Variants in CNTN5 observed in about 807,000 individuals in gnomAD.
CNTN5 encodes the protein contactin 5.
A neutral mutation model predicts 129.1 loss-of-function variants in CNTN5; 77 were observed. That is an observed-to-expected ratio of 0.60 (90% CI 0.50 to 0.72). The LOEUF (loss-of-function observed/expected upper bound fraction) is 0.72, where lower values mean the gene tolerates loss of function less well. Ranked by LOEUF, CNTN5 falls within the 30% of genes least tolerant of loss-of-function variation. The pLI is 0.00. For missense variants in CNTN5, 1,478 were observed against 1,328.8 expected (o/e 1.11, Z -1.75); for synonymous variants, 509 against 465.6 (o/e 1.09, Z -1.20).
chr11:99,845,304 G>A (rs1188688839), intron 6 of CNTN5, 42 bp downstream of exon 6: 1 of 982,848 alleles, frequency 1.0e-6, no homozygotes. Flanking sequence ...TGTATATAGT[G>A]TGTATATACA....
At chr11:99,913,784 A>C (rs1005872626) in intron 6 of CNTN5, among the ~76,000 whole-genome samples, 2 of 152,118 alleles carry the variant, frequency 1.3e-5, no homozygotes, top group Non-Finnish European at 2.9e-5. Flanking sequence ...GTTGATTTGA[A>C]ATGTCACAAA....
At chr11:99,202,239 C>CT (rs1384887424) in intron 1 of CNTN5, among the ~76,000 whole-genome samples, 1 of 152,166 alleles carries the variant, frequency 6.6e-6, no homozygotes, top group Non-Finnish European at 1.5e-5. Context: ...TCAAGTCATT[C>CT]AATTAACAAT....
chr11:99,657,885 A>T (rs984337580), intron 3 of CNTN5, among the ~76,000 whole-genome samples: 7 of 152,180 alleles, frequency 4.6e-5, no homozygotes, highest in Non-Finnish European at 7.4e-5. Flanking sequence ...CCCATTCAGA[A>T]TTTATTATAA....
At chr11:99,415,498 T>C (rs1030425136) in intron 2 of CNTN5, among the ~76,000 whole-genome samples, 3 of 152,096 alleles carry the variant, frequency 2.0e-5, no homozygotes, top group African/African-American at 7.2e-5. Context: ...AGAAAATTTA[T>C]TTATGGCCAG....
intron 2 of CNTN5, among the ~76,000 whole-genome samples, chr11:99,413,121 T>C (rs572473800): frequency 6.6e-6 from 1 of 152,344 alleles, no homozygotes; most frequent in Non-Finnish European, 1.5e-5. Context: ...GTCTCTGCCA[T>C]ATCTTTGCAG....
chr11:100,197,505 G>T (rs1034443419), intron 15 of CNTN5, among the ~76,000 whole-genome samples: 1 of 151,924 alleles, frequency 6.6e-6, no homozygotes, highest in African/African-American at 2.4e-5. Context: ...CCAAATAAAA[G>T]CATTTACTAT....
intron 2 of CNTN5, among the ~76,000 whole-genome samples, chr11:99,473,788 T>C (rs939059063): frequency 6.6e-6 from 1 of 151,960 alleles, no homozygotes; most frequent in African/African-American, 2.4e-5. Context: ...TGCAGCAACA[T>C]TTAAAACTAT....
At chr11:99,811,477 ATAT>A (rs1286954280) in intron 3 of CNTN5, among the ~76,000 whole-genome samples, 2 of 148,122 alleles carry the variant, frequency 1.4e-5, no homozygotes, top group Non-Finnish European at 1.5e-5. Flanking sequence ...TTATATTTTA[ATAT>A]TATAACTATT....
intron 3 of CNTN5, among the ~76,000 whole-genome samples, chr11:99,749,366 G>T: frequency 6.6e-6 from 1 of 152,080 alleles, no homozygotes. Flanking sequence ...CCTTTAATAT[G>T]ATAGTACCTA....
intron 1 of CNTN5, among the ~76,000 whole-genome samples, chr11:99,060,632 C>G: frequency 6.6e-6 from 1 of 151,262 alleles, no homozygotes; most frequent in East Asian, 1.9e-4. Flanking sequence ...AGAAGCTATG[C>G]AAGAAATTTG....
At position 99,414,267 on chromosome 11, in the gene CNTN5, C is replaced by T. The variant is rs180743267; in HGVS notation, c.-71+88783C>T. On this transcript the variant is annotated intron_variant, in intron 2 of 24. Transcript: ENST00000524871. The stretch of plus-strand genomic sequence containing the variant: ...CAATATTGATATCACTGTGTTAACA[C>T]GTTTAATTTAAATTCTAGAAAGTTT... Among the ~76,000 whole-genome samples, 398 of 151,988 alleles carry T rather than the reference C, an allele frequency of 2.6e-3. 5 individuals carry two copies. The highest frequency in any genetic ancestry group is 1.0e-3 in the African/African-American group (43 of 41,454).
At chr11:99,371,560 G>A (rs1199116114) in intron 2 of CNTN5, among the ~76,000 whole-genome samples, 1 of 151,956 alleles carries the variant, frequency 6.6e-6, no homozygotes, top group East Asian at 1.9e-4. Flanking sequence ...TTTCTTAGTG[G>A]AGAACTAAAA....
At chr11:100,313,507 A>G (rs184355099) in intron 21 of CNTN5, among the ~76,000 whole-genome samples, 27 of 152,240 alleles carry the variant, frequency 1.8e-4, no homozygotes, top group African/African-American at 6.5e-4. Context: ...TAGGAAATCA[A>G]GAGTTCTATT....
chr11:100,153,020 T>G lies in CNTN5; in HGVS notation c.1581-38106T>G, dbSNP rs531853088. ...TAATGGCTTAACCACAAAAAAAGTA[T>G]TCTCATAAAAAGGAGAACAGAAAGA... is the stretch of plus-strand genomic sequence containing the variant. On this transcript the variant is annotated intron_variant, in intron 13 of 24. Transcript: ENST00000524871. Among the ~76,000 whole-genome samples the G allele has an allele frequency of 2.9e-3, 441 of 152,214 alleles. 5 individuals are homozygous for G. The highest frequency in any genetic ancestry group is 9.6e-3 in the African/African-American group (400 of 41,550).
intron 13 of CNTN5, among the ~76,000 whole-genome samples, chr11:100,160,404 A>T (rs186196954): frequency 6.6e-6 from 1 of 152,138 alleles, no homozygotes; most frequent in East Asian, 1.9e-4. Flanking sequence ...TCTTTATAGC[A>T]GAATGATTTA....
intron 3 of CNTN5, among the ~76,000 whole-genome samples, chr11:99,691,401 C>G (rs1954034356): frequency 6.6e-6 from 1 of 152,022 alleles, no homozygotes; most frequent in African/African-American, 2.4e-5. Context: ...GTAAATTTCC[C>G]TCTTAACACT....
At chr11:100,235,931 C>A (rs1301992768) in intron 16 of CNTN5, among the ~76,000 whole-genome samples, 2 of 152,090 alleles carry the variant, frequency 1.3e-5, no homozygotes, top group African/African-American at 4.8e-5. Context: ...CCCACAGACC[C>A]TGGCCTACGA....
At chr11:99,411,384 G>A (rs1284909346) in intron 2 of CNTN5, among the ~76,000 whole-genome samples, 1 of 152,130 alleles carries the variant, frequency 6.6e-6, no homozygotes, top group Non-Finnish European at 1.5e-5. Context: ...TATGGGTGTG[G>A]TGGTGCCCAC....
Position 99,375,224 on chromosome 11 carries a change from A to G in CNTN5, c.-71+49740A>G, listed in dbSNP as rs1337931855. Among the ~76,000 whole-genome samples, 3 of 148,442 alleles carry G rather than the reference A, an allele frequency of 2.0e-5. No homozygotes were observed. The East Asian group carries it at 6.4e-4, about 32-fold the overall frequency. ...AGGCTGAGGCACGAGAATTGCTTGAATCCAGGAGGCAAAGGTTGCAATGAA... is the reference window on the plus strand; with the variant it reads ...AGGCTGAGGCACGAGAATTGCTTGAGTCCAGGAGGCAAAGGTTGCAATGAA... On this transcript the variant is annotated intron_variant, in intron 2 of 24. Transcript: ENST00000524871.
Sources: gnomAD v4.1 joint callset for allele counts (sites outside exome capture counted in the v4.1 genomes callset) on GRCh38, gnomAD v4.1.1 for gene constraint, MANE v1.5 for transcripts, NCBI Gene and HGNC (gene_info 2026-07-23, HGNC 2026-07-21) for gene names.